SLC24A2: variants seen among roughly 807,000 people sequenced by gnomAD.
The protein encoded by SLC24A2 is solute carrier family 24 member 2, also known as sodium/potassium/calcium exchanger 2.
In SLC24A2, 36 loss-of-function variants were observed where a neutral mutation model predicts 62.0. The ratio of observed to expected loss-of-function variants is 0.58; its 90% CI spans 0.44 to 0.77. SLC24A2 has a LOEUF of 0.77. Among genes scored for constraint, SLC24A2 ranks in the 30% least tolerant of loss-of-function variants. The pLI, the probability that SLC24A2 is intolerant of heterozygous loss-of-function variation, is 0.00. For synonymous variants in SLC24A2, 358 were observed against 294.0 expected, an observed-to-expected ratio of 1.22 and a Z score of -2.23; for missense variants, 846 against 817.9, an observed-to-expected ratio of 1.03 and a Z score of -0.42.
chr9:19,541,181 C>A (rs868222568), intron 8 of SLC24A2, among the ~76,000 whole-genome samples: 5 of 129,740 alleles, frequency 3.9e-5, no homozygotes, highest in African/African-American at 9.0e-5. Context: ...GTAATTTGAT[C>A]GTCTGAAGCC....
At chr9:19,899,963 ATG>A in the SLC24A2 span, among the ~76,000 whole-genome samples, 46 of 152,204 alleles carry the variant, frequency 3.0e-4, no homozygotes, top group African/African-American at 1.1e-3. Flanking sequence ...TCAAGATGAG[ATG>A]TGTGTGGGGA....
At chr9:19,698,992 T>G (rs558956782) in intron 2 of SLC24A2, among the ~76,000 whole-genome samples, 1 of 152,308 alleles carries the variant, frequency 6.6e-6, no homozygotes, top group South Asian at 2.1e-4. Flanking sequence ...ATTGTAATAT[T>G]TTCAACAAAT....
At chr9:19,600,901 T>C (rs1292447664) in intron 4 of SLC24A2, among the ~76,000 whole-genome samples, 3 of 152,140 alleles carry the variant, frequency 2.0e-5, no homozygotes, top group Non-Finnish European at 4.4e-5. Flanking sequence ...AGAAAAACAA[T>C]AAGCAACCTA....
chr9:20,136,421 A>G, the SLC24A2 span, among the ~76,000 whole-genome samples: 3 of 152,144 alleles, frequency 2.0e-5, no homozygotes, highest in Admixed American at 2.0e-4. Context: ...AATAAACAGG[A>G]TAAGTGACCA....
the SLC24A2 span, among the ~76,000 whole-genome samples, chr9:19,915,684 A>G: frequency 0.022 from 3,347 of 152,100 alleles, 119 homozygotes; most frequent in African/African-American, 0.077. Flanking sequence ...CCTTTTTCTA[A>G]TTCCTAATGA....
At chr9:20,007,155 G>C in the SLC24A2 span, among the ~76,000 whole-genome samples, 1 of 152,004 alleles carries the variant, frequency 6.6e-6, no homozygotes, top group Non-Finnish European at 1.5e-5. Flanking sequence ...AGAATAAATG[G>C]GCTCTGAGCA....
the SLC24A2 span, among the ~76,000 whole-genome samples, chr9:20,218,912 G>A: frequency 6.6e-6 from 1 of 152,242 alleles, no homozygotes; most frequent in Admixed American, 6.5e-5. Context: ...GAGGCTCAGA[G>A]TCATTGGGAA....
the SLC24A2 span, among the ~76,000 whole-genome samples, chr9:20,254,666 A>G: frequency 2.1e-4 from 32 of 152,330 alleles, no homozygotes; most frequent in African/African-American, 7.7e-4. Flanking sequence ...TTAGTGGCCC[A>G]TGAAAAAGGC....
At chr9:19,839,639 G>A in the SLC24A2 span, among the ~76,000 whole-genome samples, 1 of 152,134 alleles carries the variant, frequency 6.6e-6, no homozygotes, top group Admixed American at 6.5e-5. Flanking sequence ...AAGTGACGGA[G>A]GAAGATCATG....
chr9:19,566,097 A>T (rs1237357259), intron 7 of SLC24A2, among the ~76,000 whole-genome samples: 2 of 152,210 alleles, frequency 1.3e-5, no homozygotes, highest in East Asian at 3.8e-4. Context: ...ATGGCAACAG[A>T]AGTCAAAATT....
At chr9:19,618,975 T>A (rs1817839813) in intron 4 of SLC24A2, among the ~76,000 whole-genome samples, 1 of 152,350 alleles carries the variant, frequency 6.6e-6, no homozygotes, top group South Asian at 2.1e-4. Flanking sequence ...TAATGGGTTG[T>A]TTGTGATGGT....
chr9:19,947,790 CAAAAAAAAAAAA>C, the SLC24A2 span, among the ~76,000 whole-genome samples: 1 of 84,986 alleles, frequency 1.2e-5, no homozygotes, highest in African/African-American at 4.3e-5. Context: ...GACTCTGTCT[CAAAAAAAAAAAA>C]AAAAAAAAAG....
chr9:19,528,041 A>C lies in SLC24A2; in HGVS notation c.1569+8T>G. 13 of 1,546,028 alleles carry C rather than the reference A, an allele frequency of 8.4e-6. No individual in the cohort carries two copies. The highest frequency in any genetic ancestry group is 1.2e-5 in the Non-Finnish European group (13 of 1,130,112). On this transcript the variant is annotated splice_region_variant and intron_variant, in intron 9 of 10. Transcript: ENST00000341998. Reference sequence around the variant, plus strand: ...CAAGGCAGAGGCATGTCACTATCAAAATCTTACCTGGTGCGCCCACCAGAC... The same window carrying C: ...CAAGGCAGAGGCATGTCACTATCAACATCTTACCTGGTGCGCCCACCAGAC...
rs112083996 is a variant in SLC24A2, at chr9:19,517,957, A to T, written c.1737-1555T>A. 3.3e-3 allele frequency among the ~76,000 whole-genome samples: 441 copies of T among 135,584 alleles called. 3 individuals are homozygous for T. Among genetic ancestry groups the T allele is most frequent in the African/African-American group, 0.01 (385 of 37,098 alleles). 88.9% of individuals were successfully genotyped at this position (135,584 alleles called of 152,430 possible). On this transcript the variant is annotated intron_variant, in intron 10 of 10. Coordinates refer to ENST00000341998, the MANE Select transcript of SLC24A2 (RefSeq NM_020344.4). ...CACACACACACACACACACACACAC[A>T]CTCTCACACTTCTAGTGAAGTTGAG...
At chr9:20,216,082 C>T in the SLC24A2 span, among the ~76,000 whole-genome samples, 2 of 105,694 alleles carry the variant, frequency 1.9e-5, no homozygotes, top group African/African-American at 3.4e-5. Context: ...AATCATAAAG[C>T]CATTCAAACC....
intron 2 of SLC24A2, among the ~76,000 whole-genome samples, chr9:19,723,522 C>T (rs1330143841): frequency 1.3e-5 from 2 of 152,096 alleles, no homozygotes; most frequent in East Asian, 3.8e-4. Context: ...TGTCTTTCAT[C>T]GTCTCATAAT....
At chr9:19,545,616 T>C (rs982505635) in intron 8 of SLC24A2, among the ~76,000 whole-genome samples, 2 of 152,038 alleles carry the variant, frequency 1.3e-5, no homozygotes, top group Non-Finnish European at 2.9e-5. Flanking sequence ...TCTGAGTAGA[T>C]GTGCTATTCC....
chr9:19,895,875 C>T, the SLC24A2 span: 1 of 1,612,792 alleles, frequency 6.2e-7, no homozygotes, highest in African/African-American at 1.3e-5. Context: ...GCAGCAGGGC[C>T]TCGGCCAGTG....
the SLC24A2 span, among the ~76,000 whole-genome samples, chr9:19,908,065 C>G: frequency 6.6e-6 from 1 of 152,170 alleles, no homozygotes; most frequent in South Asian, 2.1e-4. Context: ...GGAGGCATCA[C>G]GTTACCTGAC....
Sources: gnomAD v4.1 joint callset for allele counts (sites outside exome capture counted in the v4.1 genomes callset) on GRCh38, gnomAD v4.1.1 for gene constraint, MANE v1.5 for transcripts, NCBI Gene and HGNC (gene_info 2026-07-23, HGNC 2026-07-21) for gene names.